The following ACTR3B variants were observed in gnomAD, a reference collection of about 807,000 sequenced individuals.
ACTR3B encodes actin related protein 3B.
Under a neutral mutation model 59.0 loss-of-function variants are expected in ACTR3B, and 8 were observed. That is an observed-to-expected ratio of 0.14 (90% CI 0.08 to 0.24). The LOEUF (loss-of-function observed/expected upper bound fraction) is 0.24. ACTR3B is among the 10% of genes least tolerant of loss of function. The pLI is 1.00. For missense variants in ACTR3B, 245 were observed against 552.3 expected (o/e 0.44, Z 5.58); for synonymous variants, 148 against 197.9 (o/e 0.75, Z 2.12).
intron 1 of ACTR3B, among the ~76,000 whole-genome samples, chr7:152,778,030 T>C (rs982667428): frequency 1.3e-5 from 2 of 152,108 alleles, no homozygotes; most frequent in African/African-American, 4.8e-5. Context: ...TTTTGATTTG[T>C]AATATCTAAT....
chr7:152,822,421 C>T (rs1386620515), intron 7 of ACTR3B, among the ~76,000 whole-genome samples: 1 of 152,194 alleles, frequency 6.6e-6, no homozygotes, highest in Non-Finnish European at 1.5e-5. Flanking sequence ...TGTCCAAGAA[C>T]ATTCATCTTA....
intron 6 of ACTR3B, 147 bp downstream of exon 6, chr7:152,816,735 AT>A (rs1406891078): frequency 1.5e-6 from 1 of 653,670 alleles, no homozygotes; most frequent in African/African-American, 1.9e-5. Context: ...AAAGTTTTTT[AT>A]TTTTTGCCAC....
intron 1 of ACTR3B, among the ~76,000 whole-genome samples, chr7:152,764,594 C>G (rs1188858539): frequency 6.6e-6 from 1 of 150,580 alleles, no homozygotes; most frequent in Non-Finnish European, 1.5e-5. Flanking sequence ...TTGCAGTGAG[C>G]TGAGATCGCG....
At chr7:152,801,017 T>C (rs2098234235) in intron 3 of ACTR3B, among the ~76,000 whole-genome samples, 1 of 151,980 alleles carries the variant, frequency 6.6e-6, no homozygotes. Context: ...TTTTTTTTTT[T>C]AAAGCTCCAG....
chr7:152,854,378 T>C lies in ACTR3B; in HGVS notation c.1162-80T>C. ...AGGGTGGAGGCCGGGATGAGGAGAG[T>C]GTCTTGCCTGCTTGGTAGCTGGTTC... On this transcript the variant is annotated intron_variant, in intron 11 of 11. Coordinates refer to ENST00000256001, the MANE Select transcript of ACTR3B (RefSeq NM_020445.6). The surrounding 1 kb of genome is among the most constrained non-coding windows in gnomAD (Gnocchi z 4.9). 1 of 1,295,914 alleles carries C rather than the reference T, an allele frequency of 7.7e-7. No individual in the cohort carries two copies. Among genetic ancestry groups the C allele is most frequent in the Non-Finnish European group, 1.1e-6 (1 of 892,958 alleles). 80.3% of individuals were successfully genotyped at this position (1,295,914 alleles called of 1,614,324 possible).
At chr7:152,781,496 G>T (rs1206250792) in intron 1 of ACTR3B, among the ~76,000 whole-genome samples, 1 of 152,236 alleles carries the variant, frequency 6.6e-6, no homozygotes, top group Admixed American at 6.5e-5. Flanking sequence ...TCTGGGCAGC[G>T]TGTGGAACTC....
intron 2 of ACTR3B, among the ~76,000 whole-genome samples, chr7:152,797,154 G>A (rs1162501661): frequency 2.0e-5 from 3 of 152,038 alleles, no homozygotes; most frequent in African/African-American, 7.2e-5. Context: ...GTGCAGTGGG[G>A]CTATCATAGC....
At chr7:152,800,042 G>T (rs1283460125) in intron 2 of ACTR3B, among the ~76,000 whole-genome samples, 1 of 152,068 alleles carries the variant, frequency 6.6e-6, no homozygotes, top group Non-Finnish European at 1.5e-5. Flanking sequence ...CTTTTAATGG[G>T]ATAAATTTTA....
Position 152,824,009 on chromosome 7 carries a change from T to G in ACTR3B, c.858+494T>G, listed in dbSNP as rs1796386360. On this transcript the variant is annotated intron_variant, in intron 8 of 11. Coordinates refer to ENST00000256001, the MANE Select transcript of ACTR3B (RefSeq NM_020445.6). This position sits in a 1 kb window ranked among gnomAD's most constrained non-coding sequence, Gnocchi z 4.2. ...AAGGCCAGCATTTCTATTATTTAGATAATCTTAAGAATTAGAAATGTCATC... is the reference window on the plus strand; with the variant it reads ...AAGGCCAGCATTTCTATTATTTAGAGAATCTTAAGAATTAGAAATGTCATC... 6.6e-6 allele frequency among the ~76,000 whole-genome samples: 1 copy of G among 152,242 alleles called. No individual in the cohort carries two copies. The highest frequency in any genetic ancestry group is 2.4e-5 in the African/African-American group (1 of 41,460).
chr7:152,847,111 C>T (rs1037125588), intron 9 of ACTR3B, among the ~76,000 whole-genome samples: 3 of 149,652 alleles, frequency 2.0e-5, no homozygotes, highest in African/African-American at 7.4e-5. Flanking sequence ...GCCCCAGTGT[C>T]CGGGCTGTAG....
intron 2 of ACTR3B, among the ~76,000 whole-genome samples, chr7:152,798,950 T>C (rs2098226057): frequency 6.6e-6 from 1 of 152,228 alleles, no homozygotes; most frequent in Admixed American, 6.5e-5. Context: ...TTCTTCTTTT[T>C]GCTTAAGATT....
chr7:152,776,816 G>A (rs1590217133), intron 1 of ACTR3B, among the ~76,000 whole-genome samples: 1 of 152,118 alleles, frequency 6.6e-6, no homozygotes, highest in East Asian at 1.9e-4. Context: ...TATTAAGCTG[G>A]CCTCACATTA....
At chr7:152,846,615 G>A (rs571378092) in intron 9 of ACTR3B, among the ~76,000 whole-genome samples, 164 of 145,228 alleles carry the variant, frequency 1.1e-3, no homozygotes, top group South Asian at 8.2e-3. Flanking sequence ...CCCAGCGCCC[G>A]GGCTGCAGTC....
At chr7:152,800,453 A>G in intron 2 of ACTR3B, 78 bp from the exon 3 acceptor site, 3 of 1,546,824 alleles carry the variant, frequency 1.9e-6, no homozygotes, top group Non-Finnish European at 1.7e-6. Flanking sequence ...TTGTGTGTAT[A>G]TAAGGATATT....
intron 9 of ACTR3B, among the ~76,000 whole-genome samples, chr7:152,847,185 T>A (rs1428191931): frequency 2.6e-5 from 4 of 151,280 alleles, no homozygotes; most frequent in Non-Finnish European, 5.9e-5. Context: ...CGGGCTGTAG[T>A]CTGTAGTGAG....
chr7:152,760,291 C>T (rs2098085430), intron 1 of ACTR3B, among the ~76,000 whole-genome samples: 1 of 151,884 alleles, frequency 6.6e-6, no homozygotes, highest in African/African-American at 2.4e-5. Flanking sequence ...GCGGGATCTC[C>T]CCTCCTAGGA....
chr7:152,797,330 C>T (rs1425982881), intron 2 of ACTR3B, among the ~76,000 whole-genome samples: 1 of 152,248 alleles, frequency 6.6e-6, no homozygotes, highest in East Asian at 1.9e-4. Context: ...ATCCTCCTGC[C>T]TTAGCCTCCT....
At chr7:152,770,327 A>C (rs1431706300) in intron 1 of ACTR3B, among the ~76,000 whole-genome samples, 1 of 152,238 alleles carries the variant, frequency 6.6e-6, no homozygotes, top group South Asian at 2.1e-4. Context: ...GTGTCTAAGC[A>C]TAGGTTTCTG....
chr7:152,821,893 G>C (rs1796198661), intron 7 of ACTR3B, among the ~76,000 whole-genome samples: 1 of 152,230 alleles, frequency 6.6e-6, no homozygotes, highest in African/African-American at 2.4e-5. Flanking sequence ...CTGAGGGAGT[G>C]TGTAACGTGA....
Sources: gnomAD v4.1 joint callset for allele counts (sites outside exome capture counted in the v4.1 genomes callset) on GRCh38, gnomAD v4.1.1 for gene constraint, Gnocchi (gnomAD v3.1) non-coding constraint, MANE v1.5 for transcripts, NCBI Gene and HGNC (gene_info 2026-07-23, HGNC 2026-07-21) for gene names.